The following HMGB1 variants were observed in gnomAD, a reference collection of about 807,000 sequenced individuals.
HMGB1 encodes the protein high mobility group box 1.
For synonymous variants in HMGB1, 81 were observed against 84.0 expected (o/e 0.96, Z 0.19); for missense variants, 79 against 253.5 (o/e 0.31, Z 4.67).
intron 1 of HMGB1, among the ~76,000 whole-genome samples, chr13:30,482,526 T>C (rs1200957236): frequency 6.6e-6 from 1 of 152,204 alleles, no homozygotes; most frequent in Non-Finnish European, 1.5e-5. Flanking sequence ...GGTGTTATTT[T>C]CCTTATTTTA....
At chr13:30,528,340 G>C (rs1241905007) in intron 1 of HMGB1, among the ~76,000 whole-genome samples, 1 of 152,228 alleles carries the variant, frequency 6.6e-6, no homozygotes, top group Non-Finnish European at 1.5e-5. Flanking sequence ...GTACCATTCA[G>C]AAGGGATAAC....
At position 30,610,255 on chromosome 13, in the gene HMGB1, G is replaced by T. The variant is rs1950501644; in HGVS notation, c.-15+6416C>A. 3.3e-5 allele frequency among the ~76,000 whole-genome samples: 5 copies of T among 152,340 alleles called. No individual in the cohort carries two copies. The South Asian group carries it at 1.0e-3, about 32-fold the overall frequency. On this transcript the variant is annotated intron_variant, in intron 1 of 4. Coordinates refer to the HMGB1 transcript ENST00000405805. ...TTGGGCAGTCAAAAGCATGGGGAAG[G>T]AGAGGGTGGTCCCTAACCCCTGTGT...
chr13:30,567,881 T>C (rs1870257499), intron 1 of HMGB1, among the ~76,000 whole-genome samples: 1 of 152,202 alleles, frequency 6.6e-6, no homozygotes, highest in Non-Finnish European at 1.5e-5. Flanking sequence ...TCCTGGGAAC[T>C]AAACAGCATT....
intron 1 of HMGB1, among the ~76,000 whole-genome samples, chr13:30,536,326 T>C (rs370775586): frequency 4.6e-5 from 7 of 152,198 alleles, no homozygotes; most frequent in African/African-American, 7.2e-5. Context: ...CACAATGCAA[T>C]GTACTTTCCC....
At chr13:30,592,976 A>C (rs1409744909) in intron 1 of HMGB1, among the ~76,000 whole-genome samples, 3 of 152,114 alleles carry the variant, frequency 2.0e-5, no homozygotes, top group African/African-American at 7.2e-5. Context: ...CCAGTCTCTG[A>C]AAGGGATTGC....
chr13:30,553,915 G>C, intron 1 of HMGB1: 6 of 1,416,314 alleles, frequency 4.2e-6, no homozygotes, highest in Non-Finnish European at 6.0e-6. Flanking sequence ...GCACGAAGGA[G>C]TTACATCTTA....
At chr13:30,595,992 G>A (rs923167703) in intron 1 of HMGB1, among the ~76,000 whole-genome samples, 2 of 152,206 alleles carry the variant, frequency 1.3e-5, no homozygotes, top group Non-Finnish European at 2.9e-5. Flanking sequence ...CAAGAGGCAA[G>A]AATCCTTGGG....
chr13:30,545,702 T>A (rs1370105325), intron 1 of HMGB1, among the ~76,000 whole-genome samples: 1 of 152,150 alleles, frequency 6.6e-6, no homozygotes, highest in Non-Finnish European at 1.5e-5. Context: ...TGTTTGTTTG[T>A]GGGTTTTTCT....
intron 1 of HMGB1, among the ~76,000 whole-genome samples, chr13:30,611,298 G>A (rs1195501001): frequency 6.6e-6 from 1 of 152,146 alleles, no homozygotes; most frequent in Non-Finnish European, 1.5e-5. Flanking sequence ...GAGTAGCTGG[G>A]ACTACAGGCA....
At chr13:30,586,055 T>C (rs1427244430) in intron 1 of HMGB1, among the ~76,000 whole-genome samples, 1 of 152,142 alleles carries the variant, frequency 6.6e-6, no homozygotes, top group Admixed American at 6.6e-5. Context: ...ACCTCCTGTT[T>C]TCTAATTTTT....
At chr13:30,464,671 G>A (rs957269935) in intron 1 of HMGB1, 1 of 980,480 alleles carries the variant, frequency 1.0e-6, no homozygotes, top group South Asian at 4.7e-5. Context: ...CGCCGGGGCC[G>A]GCGCGCACGG....
intron 1 of HMGB1, among the ~76,000 whole-genome samples, chr13:30,532,134 C>T (rs764954803): frequency 4.0e-5 from 6 of 151,780 alleles, no homozygotes; most frequent in African/African-American, 7.3e-5. Flanking sequence ...GTAAGGAGTT[C>T]GACACCAGCC....
intron 1 of HMGB1, among the ~76,000 whole-genome samples, chr13:30,610,482 C>G (rs1451543460): frequency 2.0e-5 from 3 of 152,128 alleles, no homozygotes; most frequent in Non-Finnish European, 2.9e-5. Context: ...ATATTAACTG[C>G]CAGACATTGT....
At chr13:30,503,553 T>G (rs745403169) in intron 1 of HMGB1, among the ~76,000 whole-genome samples, 3 of 151,978 alleles carry the variant, frequency 2.0e-5, no homozygotes, top group Non-Finnish European at 4.4e-5. Flanking sequence ...GAAAGTAACA[T>G]TTCTGTTGCC....
At chr13:30,533,616 C>T (rs752685666) in intron 1 of HMGB1, among the ~76,000 whole-genome samples, 4 of 152,082 alleles carry the variant, frequency 2.6e-5, no homozygotes, top group African/African-American at 4.8e-5. Context: ...CCACCGGCCT[C>T]GGCCTCCTGA....
At position 30,559,153 on chromosome 13, in the gene HMGB1, G is replaced by T. The variant is rs544918188; in HGVS notation, c.-15+57518C>A. Among the ~76,000 whole-genome samples, 5 of 151,906 alleles carry T rather than the reference G, an allele frequency of 3.3e-5. No individual in the cohort carries two copies. The highest frequency in any genetic ancestry group is 9.7e-5 in the African/African-American group (4 of 41,242). On this transcript the variant is annotated intron_variant, in intron 1 of 4. Transcript: ENST00000405805. The surrounding 1 kb of genome is among the most constrained non-coding windows in gnomAD (Gnocchi z 6.6). ...TTACATTGCCAAATGTACCTGGGGT[G>T]GGGGGTGCGGGTGGAGGAAAAATTG...
intron 1 of HMGB1, among the ~76,000 whole-genome samples, chr13:30,524,347 AAAAAAAAAAAG>A (rs1268208545): frequency 2.1e-5 from 1 of 48,456 alleles, no homozygotes; most frequent in East Asian, 7.7e-4. Flanking sequence ...TAAAAAAAAA[AAAAAAAAAAAG>A]AAAAAAAAGA....
At chr13:30,588,058 C>T (rs1207478449) in intron 1 of HMGB1, among the ~76,000 whole-genome samples, 2 of 152,164 alleles carry the variant, frequency 1.3e-5, no homozygotes, top group Admixed American at 1.3e-4. Context: ...GCATGTCTGC[C>T]AGTCTATTTA....
intron 1 of HMGB1, among the ~76,000 whole-genome samples, chr13:30,562,701 G>A (rs568148041): frequency 6.6e-6 from 1 of 152,330 alleles, no homozygotes; most frequent in South Asian, 2.1e-4. Flanking sequence ...CATTCTTAGA[G>A]ACACTGAGGT....
Sources: allele counts gnomAD v4.1 joint callset (sites outside exome capture counted in the v4.1 genomes callset), GRCh38; gene constraint gnomAD v4.1.1; non-coding constraint Gnocchi (gnomAD v3.1); transcripts MANE v1.5; gene names NCBI Gene and HGNC (gene_info 2026-07-23, HGNC 2026-07-21).